The following JADE1 variants were observed in gnomAD, a reference collection of about 807,000 sequenced individuals.
JADE1 encodes protein Jade-1.
A neutral mutation model predicts 81.8 loss-of-function variants in JADE1; 14 were observed. That is an observed-to-expected ratio of 0.17 (90% CI 0.11 to 0.27). JADE1 has a LOEUF of 0.27. Ranked by LOEUF, JADE1 falls within the 10% of genes least tolerant of loss-of-function variation. The pLI, the probability that JADE1 is intolerant of heterozygous loss-of-function variation, is 1.00. For missense variants in JADE1, 690 were observed against 1,047.9 expected (o/e 0.66, Z 4.71); for synonymous variants, 353 against 391.9 (o/e 0.90, Z 1.17).
chr4:128,866,089 C>T (rs918390374), intron 9 of JADE1, among the ~76,000 whole-genome samples: 3 of 152,098 alleles, frequency 2.0e-5, no homozygotes, highest in Non-Finnish European at 4.4e-5. Flanking sequence ...GGAACAATAT[C>T]GAAGAGAGGA....
intron 1 of JADE1, among the ~76,000 whole-genome samples, chr4:128,829,549 CTT>C (rs536408598): frequency 3.3e-5 from 5 of 151,150 alleles, no homozygotes; most frequent in African/African-American, 4.9e-5. Context: ...ATAGGAAAAA[CTT>C]TTCATCTACT....
At chr4:128,843,667 T>C (rs974365093) in intron 3 of JADE1, among the ~76,000 whole-genome samples, 5 of 152,352 alleles carry the variant, frequency 3.3e-5, no homozygotes, top group Admixed American at 3.3e-4. Flanking sequence ...AGACTTTTGC[T>C]AGGCTTTAAA....
chr4:128,810,525 C>G (rs1726252408), intron 1 of JADE1: 1 of 138,908 alleles, frequency 7.2e-6, no homozygotes, highest in Admixed American at 7.8e-5. Flanking sequence ...ATAGTAGCAA[C>G]TTGGTAGACA....
intron 6 of JADE1, among the ~76,000 whole-genome samples, chr4:128,854,606 A>G (rs538499972): frequency 1.3e-5 from 2 of 152,242 alleles, no homozygotes; most frequent in East Asian, 3.9e-4. Context: ...TCCTCTTTGC[A>G]TCGTCGTGGG....
chr4:128,838,540 A>T (rs13143989), intron 2 of JADE1, among the ~76,000 whole-genome samples: 26,529 of 152,190 alleles, frequency 0.17, 2,506 homozygotes, highest in Middle Eastern at 0.32. Flanking sequence ...ATGCAAACCA[A>T]CCCAGTGTAA....
intron 9 of JADE1, among the ~76,000 whole-genome samples, chr4:128,865,873 TGTAA>T (rs1426386289): frequency 1.3e-5 from 2 of 152,232 alleles, no homozygotes; most frequent in South Asian, 2.1e-4. Flanking sequence ...GTAAGAGAGA[TGTAA>T]GTATTTCTAT....
At chr4:128,870,263 A>G (rs1046629575) in intron 10 of JADE1, among the ~76,000 whole-genome samples, 1 of 152,208 alleles carries the variant, frequency 6.6e-6, no homozygotes, top group Non-Finnish European at 1.5e-5. Flanking sequence ...TCCTGTGGTC[A>G]TGACAGCTCT....
rs1731577064 is a variant in JADE1 at position 128,863,885 on chromosome 4, T to G, written c.1503+1660T>G. 6.1e-6 allele frequency: 6 copies of G among 985,310 alleles called. No individual in the cohort carries two copies. The South Asian group carries it at 1.9e-4, about 31-fold the overall frequency. The allele number at this position is 985,310 out of a possible 1,614,324, so 61.0% of individuals were successfully genotyped here. A position where few individuals can be genotyped will look rare whatever the true frequency, so the allele number is the denominator to read the frequency against. On this transcript the variant is annotated intron_variant, in intron 9 of 10. Transcript: ENST00000226319. The stretch of plus-strand genomic sequence containing the variant: ...AAGAAGTCTATTGTTTGGACTGTGT[T>G]TGTCTCACAATCACCACAAAATAAA...
In JADE1 at chr4:128,873,304, AAAG is replaced by A. The variant is rs1459888336; in HGVS notation, c.*1044_*1046del. The A allele has an allele frequency of 6.6e-6, 1 of 152,432 alleles. No homozygotes were observed. Among genetic ancestry groups the A allele is most frequent in the Non-Finnish European group, 1.5e-5 (1 of 68,196 alleles). The allele number at this position is 152,432 out of a possible 1,614,324, so 9.4% of individuals were successfully genotyped here. A position where few individuals can be genotyped will look rare whatever the true frequency, so the allele number is the denominator to read the frequency against. On this transcript the variant is annotated 3_prime_UTR_variant, in exon 11 of 11. Coordinates refer to ENST00000226319, the MANE Select transcript of JADE1 (RefSeq NM_199320.4). Reference sequence around the variant, plus strand: ...AAGAAAAAAAAAAGAAAAAAGAAAAAAAGAGAAAAAAGCGAAATAGGTTATATT... The same window carrying A: ...AAGAAAAAAAAAAGAAAAAAGAAAAAAGAAAAAAGCGAAATAGGTTATATT...
chr4:128,872,027 C>T lies in JADE1; in HGVS notation c.2294C>T (p.Ala765Val), dbSNP rs769200217. 1 of 1,613,876 alleles carries T rather than the reference C, an allele frequency of 6.2e-7. No individual in the cohort carries two copies. The highest frequency in any genetic ancestry group is 8.5e-7 in the Non-Finnish European group (1 of 1,179,916). Residue 765 changes from alanine (A) to valine (V), a missense_variant, in exon 11 of 11, where the codon GCC (alanine) becomes GTC (valine). Around this residue, in one of 8 missense-constraint regions of JADE1, gnomAD observed 218 missense variants for 274.3 expected, o/e 0.79. Transcript: ENST00000226319. The stretch of plus-strand genomic sequence containing the variant: ...GGGGAACGGCAGCAGCAGGGAGAGG[C>T]CCACGATGGGGCCTGCCACCAGCAC... ...KKGERQQQGE[A>V]HDGACHQHSD...
At chr4:128,855,598 C>G (rs139959014) in intron 6 of JADE1, 32 bp from the exon 7 acceptor site, 11 of 1,551,116 alleles carry the variant, frequency 7.1e-6, no homozygotes, top group East Asian at 2.3e-5. Flanking sequence ...CTCTTTCTCT[C>G]TATTCCTCTG....
chr4:128,840,954 C>T (rs1010910624), intron 2 of JADE1, among the ~76,000 whole-genome samples: 1 of 152,326 alleles, frequency 6.6e-6, no homozygotes, highest in South Asian at 2.1e-4. Flanking sequence ...AGGGTAGTGC[C>T]GATGTTGTCC....
chr4:128,859,396 T>C (rs1731099358), intron 8 of JADE1, among the ~76,000 whole-genome samples: 1 of 152,042 alleles, frequency 6.6e-6, no homozygotes. Flanking sequence ...TATGCATGCG[T>C]GAGTGCGTAT....
At chr4:128,819,703 A>G (rs1037663363) in intron 1 of JADE1, among the ~76,000 whole-genome samples, 15 of 152,250 alleles carry the variant, frequency 9.9e-5, no homozygotes, top group African/African-American at 3.6e-4. Flanking sequence ...ATTTGTGACC[A>G]TCTTGCCATG....
At chr4:128,845,352 C>G (rs925907143) in intron 3 of JADE1, among the ~76,000 whole-genome samples, 9 of 152,154 alleles carry the variant, frequency 5.9e-5, no homozygotes, top group African/African-American at 2.2e-4. Context: ...TAGAGGGGCA[C>G]TGTTGGATCT....
intron 9 of JADE1, among the ~76,000 whole-genome samples, chr4:128,865,279 A>G (rs1332125984): frequency 6.6e-6 from 1 of 152,178 alleles, no homozygotes; most frequent in African/African-American, 2.4e-5. Flanking sequence ...TCCCTGACCC[A>G]GAAACTTAGG....
chr4:128,820,220 T>C (rs914988436), intron 1 of JADE1, among the ~76,000 whole-genome samples: 1 of 152,104 alleles, frequency 6.6e-6, no homozygotes, highest in Admixed American at 6.6e-5. Flanking sequence ...CATGCAATTC[T>C]CCTGCTTCAG....
chr4:128,872,105 A>C lies in JADE1; in HGVS notation c.2372A>C (p.Lys791Thr). The change falls in exon 11 of 11, where the codon AAA (lysine) becomes ACA (threonine). Residue 791 changes from lysine (K) to threonine (T), a missense_variant. Lys to Thr is a moderately conservative substitution (Grantham distance 78). Transcript: ENST00000226319. The part of the protein sequence containing the change: ...LGRVPAKERA[K>T]SKLKSDNEND... The stretch of plus-strand genomic sequence containing the variant: ...CGAGTTCCAGCCAAGGAAAGGGCAA[A>C]AAGCAAATTAAAATCCGACAATGAG... 6.2e-7 allele frequency: 1 copy of C among 1,614,186 alleles called. No individual in the cohort carries two copies.
intron 1 of JADE1, among the ~76,000 whole-genome samples, chr4:128,814,060 A>G (rs1296149698): frequency 2.0e-5 from 3 of 151,220 alleles, no homozygotes; most frequent in East Asian, 1.9e-4. Flanking sequence ...AAAAAAACCC[A>G]CCTTCTTAGT....
Sources: allele counts gnomAD v4.1 joint callset (sites outside exome capture counted in the v4.1 genomes callset), GRCh38; gene constraint gnomAD v4.1.1; regional missense constraint gnomAD v4.1.1; transcripts MANE v1.5; gene names NCBI Gene and HGNC (gene_info 2026-07-23, HGNC 2026-07-21).